The following RABGEF1 variants were observed in gnomAD, a reference collection of about 807,000 sequenced individuals.
The protein encoded by RABGEF1 is RAB guanine nucleotide exchange factor 1.
RABGEF1 carries 26 observed loss-of-function variants against 57.3 expected under a neutral mutation model. That is an observed-to-expected ratio of 0.45 (90% CI 0.33 to 0.63). The LOEUF is 0.63. Among genes scored for constraint, RABGEF1 ranks in the 20% least tolerant of loss-of-function variants. The pLI, the probability that RABGEF1 is intolerant of heterozygous loss-of-function variation, is 0.02. For missense variants in RABGEF1, 464 were observed against 607.6 expected (o/e 0.76, Z 2.48); for synonymous variants, 185 against 210.7 (o/e 0.88, Z 1.06).
intron 1 of RABGEF1, among the ~76,000 whole-genome samples, chr7:66,688,976 C>A (rs1465250031): frequency 1.3e-5 from 2 of 151,996 alleles, no homozygotes; most frequent in African/African-American, 2.4e-5. Context: ...GCCTGTAATC[C>A]CAGCTACTTG....
chr7:66,757,228 T>C (rs565979335), intron 1 of RABGEF1, among the ~76,000 whole-genome samples: 3 of 152,344 alleles, frequency 2.0e-5, no homozygotes, highest in African/African-American at 7.2e-5. Flanking sequence ...TACAAGTGTT[T>C]ACATATTGAT....
chr7:66,755,161 G>T (rs1389692554), intron 1 of RABGEF1, among the ~76,000 whole-genome samples: 1 of 152,224 alleles, frequency 6.6e-6, no homozygotes, highest in Non-Finnish European at 1.5e-5. Context: ...GGGCGTGGTG[G>T]CAGGTGCCTG....
chr7:66,783,733 G>A lies in RABGEF1; in HGVS notation c.405G>A (p.Thr135=), dbSNP rs772254366. 1.1e-5 allele frequency: 18 copies of A among 1,613,260 alleles called. No homozygotes were observed. The Middle Eastern group carries it at 4.9e-4, about 44-fold the overall frequency. ...PSINRQTSIE[T]DRVSKEFIEF... ...TAAACCGGCAAACCAGCATTGAAACGGATAGAGTGTCTAAGGAGTTCATAG... is the reference window on the plus strand; with the variant it reads ...TAAACCGGCAAACCAGCATTGAAACAGATAGAGTGTCTAAGGAGTTCATAG... Residue 135 remains threonine, a synonymous_variant, in exon 4 of 9, where the codon ACG becomes ACA. Coordinates refer to ENST00000284957, the MANE Select transcript of RABGEF1 (RefSeq NM_014504.3).
intron 3 of RABGEF1, among the ~76,000 whole-genome samples, chr7:66,775,634 AC>A (rs1448967297): frequency 6.6e-6 from 1 of 152,164 alleles, no homozygotes; most frequent in Non-Finnish European, 1.5e-5. Context: ...TGAAATAGGT[AC>A]TTTTGCTTAT....
intron 2 of RABGEF1, among the ~76,000 whole-genome samples, chr7:66,716,001 C>T (rs1419133282): frequency 6.6e-6 from 1 of 152,144 alleles, no homozygotes; most frequent in Non-Finnish European, 1.5e-5. Context: ...GTTCCATATC[C>T]TAGCTGATTT....
At chr7:66,723,865 C>T (rs939564435) in intron 2 of RABGEF1, among the ~76,000 whole-genome samples, 3 of 152,004 alleles carry the variant, frequency 2.0e-5, no homozygotes, top group Admixed American at 6.6e-5. Context: ...CAGGTGTGAG[C>T]CACCATGCCT....
the RABGEF1 span, among the ~76,000 whole-genome samples, chr7:66,665,822 G>T: frequency 6.6e-6 from 1 of 152,184 alleles, no homozygotes; most frequent in Non-Finnish European, 1.5e-5. Context: ...AGTATGGGAG[G>T]TTCAGACACG....
At chr7:66,762,976 A>G (rs767995554) in intron 1 of RABGEF1, among the ~76,000 whole-genome samples, 1 of 152,240 alleles carries the variant, frequency 6.6e-6, no homozygotes, top group Non-Finnish European at 1.5e-5. Flanking sequence ...TGGGAAGGAT[A>G]GCAGTTTAAA....
the RABGEF1 span, among the ~76,000 whole-genome samples, chr7:66,661,976 G>T: frequency 1.3e-5 from 2 of 152,024 alleles, no homozygotes; most frequent in Admixed American, 1.3e-4. Context: ...CCAGCTGGGC[G>T]TGGTGGCCCA....
chr7:66,726,530 G>A (rs62466793), intron 2 of RABGEF1, among the ~76,000 whole-genome samples: 76,045 of 151,620 alleles, frequency 0.5, 19,986 homozygotes, highest in East Asian at 0.74. Flanking sequence ...CTCCTGGCTA[G>A]TTTTTAAATT....
In RABGEF1 at chr7:66,707,752, A is replaced by G. The variant is rs569805005; in HGVS notation, c.-872-4415A>G. ...TGGTGTATTGTTTATCTTCCCTCCA[A>G]TTACTGCAGTTTTTACTTCATGTAC... is the stretch of plus-strand genomic sequence containing the variant. On this transcript the variant is annotated intron_variant and NMD_transcript_variant, in intron 1 of 9. Transcript: ENST00000607882. Among the ~76,000 whole-genome samples the G allele has an allele frequency of 6.0e-4, 91 of 152,256 alleles. 3 individuals are homozygous for G. The South Asian group carries it at 0.016, about 26-fold the overall frequency.
At chr7:66,789,599 C>T (rs556168891) in intron 4 of RABGEF1, among the ~76,000 whole-genome samples, 3 of 136,586 alleles carry the variant, frequency 2.2e-5, no homozygotes, top group Admixed American at 8.5e-5. Context: ...AGGAGAATGG[C>T]GTGAACCCGG....
chr7:66,716,716 C>A (rs1795443462), intron 2 of RABGEF1, among the ~76,000 whole-genome samples: 1 of 152,112 alleles, frequency 6.6e-6, no homozygotes, highest in Admixed American at 6.6e-5. Flanking sequence ...CATTTACATT[C>A]ATTGTTATTG....
At chr7:66,728,123 A>G (rs1490633839) in intron 2 of RABGEF1, among the ~76,000 whole-genome samples, 1 of 152,180 alleles carries the variant, frequency 6.6e-6, no homozygotes, top group Non-Finnish European at 1.5e-5. Context: ...GTGTCTGCTC[A>G]GGAAGGCCCT....
intron 3 of RABGEF1, 67 bp downstream of exon 3, chr7:66,775,460 C>G: frequency 6.5e-7 from 1 of 1,545,586 alleles, no homozygotes; most frequent in Non-Finnish European, 8.8e-7. Flanking sequence ...CCCCAATGCT[C>G]ATAAGCTCAG....
intron 7 of RABGEF1, among the ~76,000 whole-genome samples, chr7:66,804,862 C>T (rs1788094793): frequency 6.6e-6 from 1 of 152,104 alleles, no homozygotes; most frequent in Non-Finnish European, 1.5e-5. Flanking sequence ...CTTCAGCCCC[C>T]TCATCCCTAA....
At chr7:66,784,664 C>T (rs1810728916) in intron 4 of RABGEF1, among the ~76,000 whole-genome samples, 1 of 152,198 alleles carries the variant, frequency 6.6e-6, no homozygotes, top group Non-Finnish European at 1.5e-5. Flanking sequence ...GGTCAGCAAT[C>T]ACTAGGCTAA....
chr7:66,747,966 G>A (rs1333659635), intron 1 of RABGEF1, among the ~76,000 whole-genome samples: 2 of 152,184 alleles, frequency 1.3e-5, no homozygotes, highest in Admixed American at 1.3e-4. Context: ...ATGGAAACAG[G>A]AATGAGCTGT....
Position 66,687,113 on chromosome 7 carries a change from C to CTTT in RABGEF1, c.-873+4875_-873+4877dup, listed in dbSNP as rs71526570. On this transcript the variant is annotated intron_variant and NMD_transcript_variant, in intron 1 of 9. Transcript: ENST00000607882. Reference sequence around the variant, plus strand: ...TGAGATTACGAGCCACCACGCCCGGCTTTTTTTTTTTTTTTTTTTTTTCTT... The same window carrying CTTT: ...TGAGATTACGAGCCACCACGCCCGGCTTTTTTTTTTTTTTTTTTTTTTTTTCTT... 3.3e-4 allele frequency among the ~76,000 whole-genome samples: 34 copies of CTTT among 103,660 alleles called. 1 individual carries two copies. Among genetic ancestry groups the CTTT allele is most frequent in the Non-Finnish European group, 3.6e-4 (20 of 54,798 alleles). The allele number at this position is 103,660 out of a possible 152,430, so 68.0% of individuals were successfully genotyped here. A position where few individuals can be genotyped will look rare whatever the true frequency, so the allele number is the denominator to read the frequency against.
Sources: allele counts gnomAD v4.1 joint callset (sites outside exome capture counted in the v4.1 genomes callset), GRCh38; gene constraint gnomAD v4.1.1; transcripts MANE v1.5; gene names NCBI Gene and HGNC (gene_info 2026-07-23, HGNC 2026-07-21).